The following KCNIP4 variants were observed in gnomAD, a reference collection of about 807,000 sequenced individuals.
KCNIP4 encodes the protein potassium voltage-gated channel interacting protein 4, also known as Kv channel-interacting protein 4.
In KCNIP4, 12 loss-of-function variants were observed where a neutral mutation model predicts 34.0. The observed-to-expected ratio is 0.35, with a 90% CI of 0.23 to 0.57. KCNIP4 has a LOEUF of 0.57. Among genes scored for constraint, KCNIP4 ranks in the 20% least tolerant of loss-of-function variants. The pLI is 0.83. For missense variants in KCNIP4, 238 were observed against 311.7 expected, an observed-to-expected ratio of 0.76 and a Z score of 1.78; for synonymous variants, 124 against 102.2, an observed-to-expected ratio of 1.21 and a Z score of -1.29.
chr4:21,184,790 T>C (rs1227560598), intron 1 of KCNIP4, among the ~76,000 whole-genome samples: 1 of 152,192 alleles, frequency 6.6e-6, no homozygotes, highest in African/African-American at 2.4e-5. Context: ...TGGTGATTCT[T>C]GGTGTTGTCA....
At chr4:21,445,665 A>G (rs1281276181) in intron 1 of KCNIP4, among the ~76,000 whole-genome samples, 1 of 150,430 alleles carries the variant, frequency 6.6e-6, no homozygotes, top group Non-Finnish European at 1.5e-5. Context: ...TAAAACCATA[A>G]AAACCCTAGA....
At chr4:21,049,348 A>G (rs1311514357) in intron 1 of KCNIP4, among the ~76,000 whole-genome samples, 1 of 152,218 alleles carries the variant, frequency 6.6e-6, no homozygotes, top group Non-Finnish European at 1.5e-5. Context: ...ATATATAACA[A>G]TAAATAAATG....
At chr4:20,903,797 T>C (rs185628713) in intron 1 of KCNIP4, among the ~76,000 whole-genome samples, 2 of 152,280 alleles carry the variant, frequency 1.3e-5, no homozygotes. Context: ...TCAAATATTT[T>C]ACAGAGTTTT....
At chr4:21,677,622 C>A (rs1273644726) in intron 1 of KCNIP4, among the ~76,000 whole-genome samples, 1 of 152,198 alleles carries the variant, frequency 6.6e-6, no homozygotes, top group Admixed American at 6.5e-5. Flanking sequence ...CATGCCAATG[C>A]CATGACCCCT....
At chr4:21,008,348 G>T (rs530525765) in intron 1 of KCNIP4, among the ~76,000 whole-genome samples, 1 of 152,138 alleles carries the variant, frequency 6.6e-6, no homozygotes, top group African/African-American at 2.4e-5. Context: ...CAATTTTGGG[G>T]AGCCATTAAG....
chr4:21,512,775 T>C (rs538866959), intron 1 of KCNIP4, among the ~76,000 whole-genome samples: 35 of 152,350 alleles, frequency 2.3e-4, no homozygotes, highest in African/African-American at 7.9e-4. Flanking sequence ...TAAAATCTAT[T>C]GGAAATGTTA....
At chr4:20,955,415 T>C (rs570755245) in intron 1 of KCNIP4, among the ~76,000 whole-genome samples, 12 of 152,284 alleles carry the variant, frequency 7.9e-5, no homozygotes, top group Admixed American at 2.0e-4. Context: ...CTGTTAAGTA[T>C]TGGAAGCCTC....
At chr4:21,376,185 T>C (rs886885945) in intron 1 of KCNIP4, among the ~76,000 whole-genome samples, 1 of 152,202 alleles carries the variant, frequency 6.6e-6, no homozygotes, top group Non-Finnish European at 1.5e-5. Context: ...CAGATAAAAC[T>C]TGTATGTTAA....
At chr4:21,676,624 G>A (rs150318552) in intron 1 of KCNIP4, among the ~76,000 whole-genome samples, 174 of 152,256 alleles carry the variant, frequency 1.1e-3, no homozygotes, top group African/African-American at 3.8e-3. Flanking sequence ...TCAGCTTCAT[G>A]TTCCAGGTCT....
At chr4:21,156,232 T>C (rs1753136856) in intron 1 of KCNIP4, among the ~76,000 whole-genome samples, 1 of 152,192 alleles carries the variant, frequency 6.6e-6, no homozygotes, top group Non-Finnish European at 1.5e-5. Context: ...GTGAAACGGT[T>C]GCTTGGAAGA....
chr4:20,967,206 T>A (rs75772196), intron 1 of KCNIP4, among the ~76,000 whole-genome samples: 3,624 of 152,248 alleles, frequency 0.024, 149 homozygotes, highest in African/African-American at 0.083. Context: ...TTAAACTTCG[T>A]CACATGAACA....
At chr4:21,003,271 G>C (rs551896241) in intron 1 of KCNIP4, among the ~76,000 whole-genome samples, 83 of 152,172 alleles carry the variant, frequency 5.5e-4, no homozygotes, top group Non-Finnish European at 9.7e-4. Flanking sequence ...CTATCTTCCC[G>C]GAACTGGTAA....
rs553573005 is a variant in KCNIP4 at position 21,894,515 on chromosome 4, AAC to A, written c.61+54054_61+54055del. Among the ~76,000 whole-genome samples, 149 of 152,118 alleles carry A rather than the reference AAC, an allele frequency of 9.8e-4. 2 individuals are homozygous for A. The highest frequency in any genetic ancestry group is 1.6e-3 in the Admixed American group (24 of 15,256). ...TACATCATTTGTGACTCTCTGAGGA[AAC>A]ACAGAGCTTACAAAAAAGAAACCTA... On this transcript the variant is annotated intron_variant, in intron 1 of 8. Transcript: ENST00000382152.
At chr4:21,571,664 C>T (rs1343523151) in intron 1 of KCNIP4, among the ~76,000 whole-genome samples, 1 of 151,836 alleles carries the variant, frequency 6.6e-6, no homozygotes, top group South Asian at 2.1e-4. Context: ...TAAATGAAAA[C>T]TCATCTGGCT....
chr4:20,909,236 A>G (rs1357358226), intron 1 of KCNIP4, among the ~76,000 whole-genome samples: 3 of 151,940 alleles, frequency 2.0e-5, no homozygotes, highest in Non-Finnish European at 4.4e-5. Flanking sequence ...TTTTTTTGTT[A>G]TTTTACTTTC....
chr4:21,618,421 C>A (rs1032218223), intron 1 of KCNIP4, among the ~76,000 whole-genome samples: 3 of 151,784 alleles, frequency 2.0e-5, no homozygotes, highest in African/African-American at 7.3e-5. Context: ...AATTTAGGAA[C>A]CATTGATGTA....
At position 21,641,779 on chromosome 4, in the gene KCNIP4, T is replaced by G. The variant is rs138753313; in HGVS notation, c.61+306792A>C. On this transcript the variant is annotated intron_variant, in intron 1 of 8. Transcript: ENST00000382152. Reference sequence around the variant, plus strand: ...ATGTATTCATAAGCAAAGTGGACATTGTAGCAGGGACGTAGGTTATGCATT... The same window carrying G: ...ATGTATTCATAAGCAAAGTGGACATGGTAGCAGGGACGTAGGTTATGCATT... Among the ~76,000 whole-genome samples, 31 of 152,282 alleles carry G rather than the reference T, an allele frequency of 2.0e-4. No individual in the cohort carries two copies. The East Asian group carries it at 4.4e-3, about 22-fold the overall frequency.
At chr4:21,703,275 A>C (rs1713009181) in intron 1 of KCNIP4, among the ~76,000 whole-genome samples, 1 of 152,200 alleles carries the variant, frequency 6.6e-6, no homozygotes, top group Non-Finnish European at 1.5e-5. Context: ...AAAGAAACTT[A>C]AAGGCATACA....
chr4:21,262,871 A>G (rs570517470), intron 1 of KCNIP4, among the ~76,000 whole-genome samples: 1 of 152,332 alleles, frequency 6.6e-6, no homozygotes, highest in Admixed American at 6.5e-5. Context: ...TCAACTGTGA[A>G]CAAACTGAGG....
Sources: gnomAD v4.1 joint callset for allele counts (sites outside exome capture counted in the v4.1 genomes callset) on GRCh38, gnomAD v4.1.1 for gene constraint, MANE v1.5 for transcripts, NCBI Gene and HGNC (gene_info 2026-07-23, HGNC 2026-07-21) for gene names.